The following ATG2B variants were observed in gnomAD, a reference collection of about 807,000 sequenced individuals.
ATG2B encodes the protein autophagy related 2B, also known as autophagy-related protein 2 homolog B.
In ATG2B, 121 loss-of-function variants were observed where a neutral mutation model predicts 241.3. The ratio of observed to expected loss-of-function variants is 0.50; its 90% confidence interval spans 0.43 to 0.58. The LOEUF (loss-of-function observed/expected upper bound fraction) is 0.58. Among genes scored for constraint, ATG2B ranks in the 20% least tolerant of loss-of-function variants. The pLI, the probability that ATG2B is intolerant of heterozygous loss-of-function variation, is 0.00. For missense variants in ATG2B, 2,306 were observed against 2,491.6 expected (o/e 0.93, Z 1.59); for synonymous variants, 858 against 876.6 (o/e 0.98, Z 0.37).
chr14:96,343,958 T>C (rs1452144200), intron 4 of ATG2B, among the ~76,000 whole-genome samples: 1 of 152,234 alleles, frequency 6.6e-6, no homozygotes, highest in Admixed American at 6.5e-5. Context: ...AGTAGATCCA[T>C]GTACGAAGTG....
chr14:96,323,788 C>A (rs1887517961), intron 16 of ATG2B, 108 bp downstream of exon 16: 3 of 760,288 alleles, frequency 3.9e-6, no homozygotes, highest in Non-Finnish European at 2.2e-6. Flanking sequence ...ACAAAAGAAT[C>A]AAGGATGGAC....
intron 31 of ATG2B, 77 bp downstream of exon 31, chr14:96,305,512 G>T: frequency 2.1e-6 from 2 of 968,898 alleles, no homozygotes; most frequent in South Asian, 1.8e-5. Context: ...CTCTCTAAAG[G>T]GGAAATGGAA....
At chr14:96,306,486 A>G (rs1886951021) in intron 30 of ATG2B, among the ~76,000 whole-genome samples, 1 of 152,176 alleles carries the variant, frequency 6.6e-6, no homozygotes, top group African/African-American at 2.4e-5. Context: ...TCTGGAGTTC[A>G]ATAATCTATG....
chr14:96,327,452 C>T (rs1357012783), intron 14 of ATG2B, among the ~76,000 whole-genome samples: 1 of 152,072 alleles, frequency 6.6e-6, no homozygotes, highest in African/African-American at 2.4e-5. Context: ...AGACCCCAGG[C>T]ACCAGATGCA....
intron 41 of ATG2B, among the ~76,000 whole-genome samples, chr14:96,287,083 G>A (rs1054914338): frequency 2.0e-5 from 3 of 151,710 alleles, no homozygotes; most frequent in Admixed American, 2.0e-4. Flanking sequence ...GTGAAACCCC[G>A]TCTCTACTAA....
In ATG2B at chr14:96,358,570, G is replaced by A. The variant is rs183245640; in HGVS notation, c.162+4245C>T. Among the ~76,000 whole-genome samples the A allele has an allele frequency of 1.0e-3, 156 of 152,214 alleles. 1 individual carries two copies. Among genetic ancestry groups the A allele is most frequent in the East Asian group, 5.8e-4 (3 of 5,184 alleles). On this transcript the variant is annotated intron_variant, in intron 1 of 41. Coordinates refer to ENST00000359933, the MANE Select transcript of ATG2B (RefSeq NM_018036.7). ...AGATGTTTAAATAGGTTATATTTAT[G>A]CCCAGTCTTATAACCACTTGAGCAA...
chr14:96,310,041 T>C lies in ATG2B; in HGVS notation c.4162-447A>G, dbSNP rs545629451. On this transcript the variant is annotated intron_variant, in intron 28 of 41. Transcript: ENST00000359933. Reference sequence around the variant, plus strand: ...GGCACACACAGCAGGGGAAATATACTAAACGGTGATTCAGAGCTCAGTTCC... The same window carrying C: ...GGCACACACAGCAGGGGAAATATACCAAACGGTGATTCAGAGCTCAGTTCC... 6.8e-4 allele frequency among the ~76,000 whole-genome samples: 103 copies of C among 152,292 alleles called. 1 individual carries two copies. Among genetic ancestry groups the C allele is most frequent in the Middle Eastern group, 3.4e-3 (1 of 294 alleles).
intron 18 of ATG2B, among the ~76,000 whole-genome samples, chr14:96,319,389 T>C (rs1323512729): frequency 6.6e-6 from 1 of 152,210 alleles, no homozygotes; most frequent in Non-Finnish European, 1.5e-5. Context: ...ACAAAATAGA[T>C]GCTCAGTACA....
At chr14:96,362,328 G>C (rs1429903860) in intron 1 of ATG2B, among the ~76,000 whole-genome samples, 3 of 152,140 alleles carry the variant, frequency 2.0e-5, no homozygotes, top group African/African-American at 7.2e-5. Context: ...CTTCCAGATG[G>C]CAAACGCTGC....
At position 96,343,257 on chromosome 14, in the gene ATG2B, A is replaced by C. The variant is rs763486404; in HGVS notation, c.606T>G (p.Ala202=). The C allele has an allele frequency of 6.2e-7, 1 of 1,607,306 alleles. No homozygotes were observed. Among genetic ancestry groups the C allele is most frequent in the South Asian group, 1.1e-5 (1 of 89,858 alleles). Residue 202 remains alanine (A), a synonymous_variant, in exon 5 of 42, where the codon GCT becomes GCG. Coordinates refer to ENST00000359933, the MANE Select transcript of ATG2B (RefSeq NM_018036.7). ...GCACATTAATTCCTGAGGATTCGTCAGCAGTTTCATCACAGTACACAGTTC... is the reference window on the plus strand; with the variant it reads ...GCACATTAATTCCTGAGGATTCGTCCGCAGTTTCATCACAGTACACAGTTC... ...IERTVYCDET[A]DESSGINVHQ...
chr14:96,291,616 G>C lies in ATG2B; in HGVS notation c.5563C>G (p.Leu1855Val), dbSNP rs1365979839. The C allele has an allele frequency of 6.2e-7, 1 of 1,600,362 alleles. No homozygotes were observed. The highest frequency in any genetic ancestry group is 1.7e-5 in the Admixed American group (1 of 59,644). ...LNCSELKLKRLSYRHGLLGVD... is the reference protein window; with the variant it reads ...LNCSELKLKRVSYRHGLLGVD... ...TTCACTTACCCATGTCGATAGGAAA[G>C]CCTCTTGAGCTTTAGTTCAGAGCAG... The change falls in exon 38 of 42, where the codon CTT becomes GTT. Residue 1855 changes from leucine (L) to valine (V), a missense_variant. Transcript: ENST00000359933.
Position 96,313,095 on chromosome 14 carries a change from A to G in ATG2B, c.3812T>C (p.Val1271Ala), listed in dbSNP as rs1384992052. The G allele has an allele frequency of 5.6e-6, 9 of 1,612,998 alleles. No homozygotes were observed. Among genetic ancestry groups the G allele is most frequent in the Non-Finnish European group, 6.8e-6 (8 of 1,179,298 alleles). ...AGTAGAGGAAGATTTATCCAATGCA[A>G]CGCTACTGGAAACACTGAATGTTTC... ...TVETFSVSSS[V>A]ALDKSSSTLR... Residue 1271 changes from valine (V) to alanine (A), a missense_variant, in exon 25 of 42, where the codon GTT (valine) becomes GCT (alanine). Around this residue, in one of 2 missense-constraint regions of ATG2B, gnomAD observed 1,927 missense variants for 2,011.2 expected, o/e 0.96. Transcript: ENST00000359933.
At chr14:96,338,209 G>A (rs1409009706) in intron 6 of ATG2B, among the ~76,000 whole-genome samples, 1 of 151,972 alleles carries the variant, frequency 6.6e-6, no homozygotes, top group Admixed American at 6.6e-5. Flanking sequence ...GGTTGTCTAG[G>A]TATATGACAT....
In ATG2B at chr14:96,290,546, G is replaced by T. The variant is rs148160259; in HGVS notation, c.5746C>A (p.Arg1916=). The T allele has an allele frequency of 1.9e-6, 3 of 1,613,992 alleles. No individual in the cohort carries two copies. The East Asian group carries it at 6.7e-5, about 36-fold the overall frequency. ...DLVWLPIEQY[R]KDGRIVRGFQ... ...CCTCTGACAATGCGGCCATCCTTCC[G>T]GTACTGCTCTATTGGGAGCCAGACC... is the stretch of plus-strand genomic sequence containing the variant. Residue 1916 remains arginine (R), a synonymous_variant, in exon 40 of 42, where the codon CGG becomes AGG. Transcript: ENST00000359933. This position sits in a 1 kb window ranked among gnomAD's most constrained non-coding sequence, Gnocchi z 4.4.
intron 2 of ATG2B, 118 bp downstream of exon 2, chr14:96,347,061 T>C (rs919229363): frequency 1.2e-6 from 1 of 851,110 alleles, no homozygotes; most frequent in Non-Finnish European, 1.7e-6. Flanking sequence ...TCGTAATGTA[T>C]TATCAACTGA....
chr14:96,347,216 T>C lies in ATG2B; in HGVS notation c.288A>G (p.Arg96=), dbSNP rs1455309307. The change falls in exon 2 of 42, where the codon AGA becomes AGG. Residue 96 remains arginine, a synonymous_variant. Coordinates refer to ENST00000359933, the MANE Select transcript of ATG2B (RefSeq NM_018036.7). ...LLQDNCALEV[R]GLEMVFRPRP... ...TAGGCCGGAAGACCATTTCTAATCC[T>C]CTCACTTCCAGTGCACAATTATCCT... 3 of 1,605,682 alleles carry C rather than the reference T, an allele frequency of 1.9e-6. No individual in the cohort carries two copies. Among genetic ancestry groups the C allele is most frequent in the Non-Finnish European group, 2.6e-6 (3 of 1,173,634 alleles).
At chr14:96,359,532 G>A (rs571618991) in intron 1 of ATG2B, among the ~76,000 whole-genome samples, 22 of 152,174 alleles carry the variant, frequency 1.4e-4, no homozygotes, top group African/African-American at 4.8e-4. Flanking sequence ...GTACTGAATC[G>A]ATTAATGAAA....
intron 35 of ATG2B, 30 bp downstream of exon 35, chr14:96,295,452 A>G (rs1886610874): frequency 1.4e-6 from 2 of 1,431,922 alleles, no homozygotes; most frequent in Admixed American, 2.2e-5. Flanking sequence ...AGTACTTGGT[A>G]TAGTCTTTTC....
chr14:96,291,585 A>G lies in ATG2B; in HGVS notation c.5579+15T>C. On this transcript the variant is annotated intron_variant, in intron 38 of 41. Transcript: ENST00000359933. ...GATAACTTCACTTAAAGCTTCATAT[A>G]ATAAATTCACTTACCCATGTCGATA... 2 of 1,579,280 alleles carry G rather than the reference A, an allele frequency of 1.3e-6. No homozygotes were observed. Among genetic ancestry groups the G allele is most frequent in the South Asian group, 1.2e-5 (1 of 86,784 alleles).
Sources: allele counts gnomAD v4.1 joint callset (sites outside exome capture counted in the v4.1 genomes callset), GRCh38; gene constraint gnomAD v4.1.1; regional missense constraint gnomAD v4.1.1; non-coding constraint Gnocchi (gnomAD v3.1); transcripts MANE v1.5; gene names NCBI Gene and HGNC (gene_info 2026-07-23, HGNC 2026-07-21).